Variants in RBFOX1 observed in about 807,000 individuals in gnomAD.
The protein encoded by RBFOX1 is RNA binding protein fox-1 homolog 1.
Under a neutral mutation model 57.7 loss-of-function variants are expected in RBFOX1, and 8 were observed. That is an observed-to-expected ratio of 0.14 (90% CI 0.08 to 0.25). RBFOX1 has a LOEUF of 0.25. Among genes scored for constraint, RBFOX1 ranks in the 10% least tolerant of loss-of-function variants. RBFOX1 has a pLI of 1.00. For synonymous variants in RBFOX1, 326 were observed against 222.4 expected (o/e 1.47, Z -4.15); for missense variants, 611 against 548.5 (o/e 1.11, Z -1.14).
chr16:6,560,725 C>T (rs1346677573), intron 2 of RBFOX1, among the ~76,000 whole-genome samples: 3 of 152,128 alleles, frequency 2.0e-5, no homozygotes, highest in Non-Finnish European at 4.4e-5. Context: ...GCGCTTAATG[C>T]AGTTTATAGC....
At chr16:7,644,679 C>T (rs1568253591) in intron 11 of RBFOX1, among the ~76,000 whole-genome samples, 1 of 152,160 alleles carries the variant, frequency 6.6e-6, no homozygotes, top group Non-Finnish European at 1.5e-5. Context: ...ATGTTGGAGA[C>T]ACAGTAGGGA....
At chr16:7,259,712 C>T (rs1450334957) in intron 4 of RBFOX1, among the ~76,000 whole-genome samples, 2 of 152,128 alleles carry the variant, frequency 1.3e-5, no homozygotes, top group African/African-American at 4.8e-5. Flanking sequence ...ACATCACTCA[C>T]TTAGTCATGA....
chr16:6,678,425 A>C (rs2058098850), intron 3 of RBFOX1, among the ~76,000 whole-genome samples: 1 of 151,930 alleles, frequency 6.6e-6, no homozygotes, highest in African/African-American at 2.4e-5. Context: ...CACCTGGCCA[A>C]AAGTTATTTA....
intron 4 of RBFOX1, among the ~76,000 whole-genome samples, chr16:7,439,673 A>G (rs1054012048): frequency 5.9e-5 from 9 of 152,206 alleles, no homozygotes; most frequent in Admixed American, 5.2e-4. Context: ...ACTGTTTTAA[A>G]GGCACTATTC....
intron 3 of RBFOX1, among the ~76,000 whole-genome samples, chr16:6,959,617 G>C (rs1163472883): frequency 1.3e-5 from 2 of 152,122 alleles, no homozygotes; most frequent in African/African-American, 4.8e-5. Flanking sequence ...AACTGTTCCA[G>C]CACTGACTGA....
At chr16:5,445,048 A>G (rs944087226) in intron 1 of RBFOX1, among the ~76,000 whole-genome samples, 1 of 152,134 alleles carries the variant, frequency 6.6e-6, no homozygotes, top group Non-Finnish European at 1.5e-5. Context: ...GGAGGGTGAC[A>G]TGATCAGATG....
intron 3 of RBFOX1, among the ~76,000 whole-genome samples, chr16:6,928,152 T>C (rs1256466168): frequency 2.6e-5 from 4 of 152,172 alleles, no homozygotes; most frequent in African/African-American, 9.7e-5. Context: ...ATTGGGGTTT[T>C]CAGCATTGGC....
At chr16:7,189,973 C>T (rs548905854) in intron 4 of RBFOX1, among the ~76,000 whole-genome samples, 38 of 152,276 alleles carry the variant, frequency 2.5e-4, no homozygotes, top group Non-Finnish European at 5.0e-4. Context: ...TAGAGTTCTT[C>T]ATTGAGCAAT....
At chr16:6,809,120 G>A (rs1399017795) in intron 3 of RBFOX1, among the ~76,000 whole-genome samples, 1 of 152,134 alleles carries the variant, frequency 6.6e-6, no homozygotes, top group African/African-American at 2.4e-5. Flanking sequence ...ACACCAACCT[G>A]TCACCAGTTC....
At chr16:5,419,953 G>A (rs1325661305) in intron 1 of RBFOX1, among the ~76,000 whole-genome samples, 1 of 152,110 alleles carries the variant, frequency 6.6e-6, no homozygotes, top group Non-Finnish European at 1.5e-5. Flanking sequence ...TGGAGGCAGG[G>A]TCTTTGCTGG....
In RBFOX1 at chr16:6,767,947, T is replaced by TAATAATAATA. The variant is rs1410744665; in HGVS notation, c.-16+113299_-16+113300insTAATAATAAA. Among the ~76,000 whole-genome samples, 198 of 101,042 alleles carry TAATAATAATA rather than the reference T, an allele frequency of 2.0e-3. 1 individual carries two copies. Among genetic ancestry groups the TAATAATAATA allele is most frequent in the South Asian group, 1.8e-3 (5 of 2,740 alleles). 66.3% of individuals were successfully genotyped at this position (101,042 alleles called of 152,430 possible). On this transcript the variant is annotated intron_variant, in intron 3 of 15. Transcript: ENST00000550418. Reference sequence around the variant, plus strand: ...ATAATAATAATAATAATAATAATAATAAGAAGAAGAAGAAGAAGAAGAAGA... The same window carrying TAATAATAATA: ...ATAATAATAATAATAATAATAATAATAATAATAATAAAGAAGAAGAAGAAGAAGAAGAAGA...
chr16:5,906,081 A>G (rs1392015208), intron 4 of RBFOX1, among the ~76,000 whole-genome samples: 2 of 151,990 alleles, frequency 1.3e-5, no homozygotes, highest in African/African-American at 2.4e-5. Flanking sequence ...CCTGCTTGTT[A>G]TGTTCTTAGC....
At chr16:7,228,742 T>C (rs1186224445) in intron 4 of RBFOX1, among the ~76,000 whole-genome samples, 3 of 152,228 alleles carry the variant, frequency 2.0e-5, no homozygotes, top group East Asian at 3.8e-4. Context: ...AGGTGAAATG[T>C]GCAAGAGGTT....
chr16:7,286,922 C>T (rs2095662042), intron 4 of RBFOX1, among the ~76,000 whole-genome samples: 1 of 152,122 alleles, frequency 6.6e-6, no homozygotes, highest in African/African-American at 2.4e-5. Flanking sequence ...AGTCACCATG[C>T]CTGGCCCTGG....
chr16:7,070,265 C>A (rs931964968), intron 4 of RBFOX1, among the ~76,000 whole-genome samples: 3 of 152,190 alleles, frequency 2.0e-5, no homozygotes, highest in African/African-American at 7.2e-5. Context: ...ACATTCCACT[C>A]ATTTATACTT....
intron 3 of RBFOX1, among the ~76,000 whole-genome samples, chr16:5,643,646 A>G (rs987560274): frequency 6.6e-6 from 1 of 152,168 alleles, no homozygotes; most frequent in African/African-American, 2.4e-5. Context: ...TTAAATTATG[A>G]TTTGATGTAG....
intron 2 of RBFOX1, among the ~76,000 whole-genome samples, chr16:5,560,330 G>C (rs2045846686): frequency 6.6e-6 from 1 of 151,980 alleles, no homozygotes; most frequent in Non-Finnish European, 1.5e-5. Flanking sequence ...GAAGCACTTA[G>C]TCACCTCCTC....
chr16:7,072,008 C>T (rs746757602), intron 4 of RBFOX1, among the ~76,000 whole-genome samples: 1 of 152,182 alleles, frequency 6.6e-6, no homozygotes, highest in Non-Finnish European at 1.5e-5. Context: ...AATTCACTCT[C>T]GCAAACCTAC....
chr16:7,312,055 G>T (rs946589864), intron 4 of RBFOX1, among the ~76,000 whole-genome samples: 1 of 152,218 alleles, frequency 6.6e-6, no homozygotes, highest in Non-Finnish European at 1.5e-5. Flanking sequence ...TGCCTGGGGT[G>T]CAGTGAGCAG....
Sources: allele counts gnomAD v4.1 joint callset (sites outside exome capture counted in the v4.1 genomes callset), GRCh38; gene constraint gnomAD v4.1.1; transcripts MANE v1.5; gene names NCBI Gene and HGNC (gene_info 2026-07-23, HGNC 2026-07-21).